The following SACM1L variants were observed in gnomAD, a reference collection of about 807,000 sequenced individuals.
The protein encoded by SACM1L is SAC1 like phosphatidylinositide phosphatase.
Under a neutral mutation model 89.5 loss-of-function variants are expected in SACM1L, and 32 were observed. The observed-to-expected ratio is 0.36, with a 90% CI of 0.27 to 0.48. The LOEUF is 0.48. Ranked by LOEUF, SACM1L falls within the 20% of genes least tolerant of loss-of-function variation. The pLI, the probability that SACM1L is intolerant of heterozygous loss-of-function variation, is 0.99. For missense variants in SACM1L, 543 were observed against 708.5 expected (o/e 0.77, Z 2.65); for synonymous variants, 213 against 232.8 (o/e 0.92, Z 0.77).
At chr3:45,730,290 C>T (rs1372231146) in intron 11 of SACM1L, among the ~76,000 whole-genome samples, 1 of 150,734 alleles carries the variant, frequency 6.6e-6, no homozygotes, top group African/African-American at 2.4e-5. Context: ...TCTCCTTTTC[C>T]CCTACGGTTT....
chr3:45,732,548 A>G (rs1481824690), intron 13 of SACM1L, among the ~76,000 whole-genome samples: 1 of 152,216 alleles, frequency 6.6e-6, no homozygotes. Context: ...GTTTTATCAT[A>G]ACATAGTTCT....
intron 4 of SACM1L, among the ~76,000 whole-genome samples, chr3:45,708,655 T>G (rs1432467865): frequency 6.6e-6 from 1 of 152,104 alleles, no homozygotes; most frequent in Non-Finnish European, 1.5e-5. Context: ...ACAGCTGTAT[T>G]TATTTAATAG....
At chr3:45,708,904 G>A (rs1002391583) in intron 4 of SACM1L, among the ~76,000 whole-genome samples, 6 of 152,144 alleles carry the variant, frequency 3.9e-5, no homozygotes, top group African/African-American at 1.4e-4. Context: ...GGGAAAGCTA[G>A]TTAAAATGGT....
At chr3:45,730,034 G>A (rs1184718267) in intron 11 of SACM1L, among the ~76,000 whole-genome samples, 1 of 151,736 alleles carries the variant, frequency 6.6e-6, no homozygotes, top group Admixed American at 6.6e-5. Flanking sequence ...ATTTCTTTTA[G>A]TTGTTTGTCT....
chr3:45,689,407 C>T lies in SACM1L; in HGVS notation c.-59C>T, dbSNP rs1322856521. Reference sequence around the variant, plus strand: ...CCAGGGTGACCGGTAGAGTTGTAGCCGAGGTGGCGGCGCGGGGCGGGGCGG... The same window carrying T: ...CCAGGGTGACCGGTAGAGTTGTAGCTGAGGTGGCGGCGCGGGGCGGGGCGG... On this transcript the variant is annotated 5_prime_UTR_variant, in exon 1 of 20. Coordinates refer to ENST00000389061, the MANE Select transcript of SACM1L (RefSeq NM_014016.5). The T allele has an allele frequency of 8.4e-6, 13 of 1,551,722 alleles. No individual in the cohort carries two copies. The highest frequency in any genetic ancestry group is 1.4e-5 in the African/African-American group (1 of 73,242).
At chr3:45,716,388 C>T (rs1298851124) in intron 7 of SACM1L, among the ~76,000 whole-genome samples, 1 of 152,180 alleles carries the variant, frequency 6.6e-6, no homozygotes, top group Non-Finnish European at 1.5e-5. Flanking sequence ...AGGAGGATCA[C>T]TTGACCCCAT....
intron 11 of SACM1L, among the ~76,000 whole-genome samples, chr3:45,729,663 C>T (rs145456075): frequency 6.6e-6 from 1 of 152,244 alleles, no homozygotes; most frequent in African/African-American, 2.4e-5. Flanking sequence ...GAGAAATTGG[C>T]GGATAATCCC....
At chr3:45,741,832 T>G (rs1220281855) in intron 19 of SACM1L, among the ~76,000 whole-genome samples, 1 of 152,210 alleles carries the variant, frequency 6.6e-6, no homozygotes, top group Non-Finnish European at 1.5e-5. Flanking sequence ...GTAAAAAGCA[T>G]TCTTACCTTA....
intron 8 of SACM1L, among the ~76,000 whole-genome samples, chr3:45,721,298 G>C (rs1698782032): frequency 6.6e-6 from 1 of 152,240 alleles, no homozygotes; most frequent in Non-Finnish European, 1.5e-5. Flanking sequence ...GAGGCAGGCA[G>C]ATCACCTGAG....
intron 1 of SACM1L, among the ~76,000 whole-genome samples, chr3:45,697,124 A>G (rs1355275893): frequency 2.0e-5 from 3 of 152,068 alleles, no homozygotes; most frequent in African/African-American, 7.2e-5. Flanking sequence ...ACAACAGTCA[A>G]AAAGGAGGAA....
chr3:45,697,269 C>CTTTTTTTTT (rs869095037), intron 1 of SACM1L, among the ~76,000 whole-genome samples: 36 of 92,112 alleles, frequency 3.9e-4, no homozygotes, highest in African/African-American at 1.5e-3. Flanking sequence ...TTTTCTTTTC[C>CTTTTTTTTT]TTTTTTTTTT....
At chr3:45,731,455 C>A in intron 12 of SACM1L, 75 bp downstream of exon 12, 2 of 883,106 alleles carry the variant, frequency 2.3e-6, no homozygotes, top group Non-Finnish European at 3.5e-6. Flanking sequence ...TTACATAGAG[C>A]TCACTAGACA....
rs567261861 is a variant in SACM1L, at chr3:45,694,746, T to C, written c.32+5249T>C. On this transcript the variant is annotated intron_variant, in intron 1 of 19. Transcript: ENST00000389061. ...AGTTTTTATGCACTCTGAAATATTT[T>C]AGGGCTGGGCATACATAGCTGAGTT... 7.6e-4 allele frequency among the ~76,000 whole-genome samples: 116 copies of C among 152,278 alleles called. No homozygotes were observed. In the Middle Eastern group the frequency reaches 0.014, roughly 18 times the overall value.
chr3:45,720,036 T>G (rs1192060197), intron 8 of SACM1L, among the ~76,000 whole-genome samples: 1 of 152,246 alleles, frequency 6.6e-6, no homozygotes, highest in Non-Finnish European at 1.5e-5. Context: ...GCAACATGCT[T>G]ATTTTGCTAA....
rs549748524 is a variant in SACM1L at position 45,723,421 on chromosome 3, A to G, written c.853-54A>G. ...AAAATATTATAAATATTTAAATTAT[A>G]TTTATAAATTACATAATGTACTCCA... On this transcript the variant is annotated intron_variant, in intron 10 of 19. Transcript: ENST00000389061. 53 of 689,766 alleles carry G rather than the reference A, an allele frequency of 7.7e-5. 1 individual carries two copies. The South Asian group carries it at 1.9e-3, about 24-fold the overall frequency. The allele number at this position is 689,766 out of a possible 1,614,324, so 42.7% of individuals were successfully genotyped here.
intron 6 of SACM1L, chr3:45,713,446 A>G (rs1698571786): frequency 3.5e-6 from 1 of 285,500 alleles, no homozygotes; most frequent in Non-Finnish European, 6.5e-6. Flanking sequence ...TAAGAGAGAT[A>G]CAGGGGATCT....
At chr3:45,709,353 T>A in intron 4 of SACM1L, 145 bp from the exon 5 acceptor site, 1 of 637,324 alleles carries the variant, frequency 1.6e-6, no homozygotes, top group Non-Finnish European at 2.6e-6. Context: ...CCCAGGGAAA[T>A]GGCGAGCATC....
intron 14 of SACM1L, among the ~76,000 whole-genome samples, chr3:45,736,611 G>A (rs1401463779): frequency 3.3e-5 from 5 of 152,130 alleles, no homozygotes; most frequent in African/African-American, 4.8e-5. Context: ...CTATGTCCTC[G>A]TCTGTTGGAA....
chr3:45,710,500 CTTTT>C (rs11413682), intron 5 of SACM1L, among the ~76,000 whole-genome samples: 1 of 134,134 alleles, frequency 7.5e-6, no homozygotes, highest in Non-Finnish European at 1.6e-5. Context: ...CCCAGTCTGC[CTTTT>C]TTTTTTTTTT....
Sources: allele counts gnomAD v4.1 joint callset (sites outside exome capture counted in the v4.1 genomes callset), GRCh38; gene constraint gnomAD v4.1.1; transcripts MANE v1.5; gene names NCBI Gene and HGNC (gene_info 2026-07-23, HGNC 2026-07-21).